Variants in CALN1 observed in about 807,000 individuals in gnomAD.
CALN1 encodes the protein calneuron 1, also known as calcium-binding protein 8.
A neutral mutation model predicts 30.6 loss-of-function variants in CALN1; 17 were observed. That is an observed-to-expected ratio of 0.56 (90% CI 0.38 to 0.83). The LOEUF (loss-of-function observed/expected upper bound fraction) is 0.83, where lower values mean the gene tolerates loss of function less well. Among genes scored for constraint, CALN1 ranks in the 40% least tolerant of loss-of-function variants. The pLI, the probability that CALN1 is intolerant of heterozygous loss-of-function variation, is 0.00. For synonymous variants in CALN1, 156 were observed against 131.4 expected (o/e 1.19, Z -1.28); for missense variants, 291 against 354.9 (o/e 0.82, Z 1.45).
chr7:72,076,570 C>G (rs576816563), intron 4 of CALN1, among the ~76,000 whole-genome samples: 37 of 125,680 alleles, frequency 2.9e-4, no homozygotes, highest in Non-Finnish European at 4.8e-4. Flanking sequence ...TGCACTCTGG[C>G]CTGGGGAACA....
At chr7:72,449,649 G>T (rs1474777874), upstream of CALN1, among the ~76,000 whole-genome samples, 1 of 152,058 alleles carries the variant, frequency 6.6e-6, no homozygotes, top group Non-Finnish European at 1.5e-5. Flanking sequence ...AAGGTGGGAG[G>T]ATCACGAGGT....
intron 2 of CALN1, among the ~76,000 whole-genome samples, chr7:72,333,593 G>T (rs1018661591): frequency 6.6e-6 from 1 of 151,698 alleles, no homozygotes; most frequent in Non-Finnish European, 1.5e-5. Context: ...ACTGCTTAAT[G>T]GTTCTCAATC....
chr7:72,004,047 T>C (rs1799651975), intron 5 of CALN1, among the ~76,000 whole-genome samples: 1 of 152,166 alleles, frequency 6.6e-6, no homozygotes, highest in South Asian at 2.1e-4. Context: ...ATAATTTACA[T>C]GGAAATACAC....
chr7:72,251,389 T>C (rs534305714), intron 3 of CALN1, among the ~76,000 whole-genome samples: 182 of 152,242 alleles, frequency 1.2e-3, no homozygotes, highest in Non-Finnish European at 2.0e-3. Context: ...CTCTTTCCTC[T>C]GAACTACTTT....
intron 5 of CALN1, among the ~76,000 whole-genome samples, chr7:71,902,645 C>T (rs1221167078): frequency 6.6e-6 from 1 of 151,972 alleles, no homozygotes; most frequent in African/African-American, 2.4e-5. Flanking sequence ...GGGTATCTAC[C>T]CGAAGGAAAA....
At chr7:72,201,257 A>G (rs1562727083) in intron 3 of CALN1, among the ~76,000 whole-genome samples, 1 of 152,134 alleles carries the variant, frequency 6.6e-6, no homozygotes, top group East Asian at 1.9e-4. Context: ...TGGGAACAAG[A>G]GATACTGGAG....
At chr7:72,486,447 C>T in the CALN1 span, among the ~76,000 whole-genome samples, 6 of 152,106 alleles carry the variant, frequency 3.9e-5, no homozygotes, top group Admixed American at 1.3e-4. Flanking sequence ...TATCAGCTCA[C>T]TGTAACCTCT....
the CALN1 span, among the ~76,000 whole-genome samples, chr7:72,486,834 A>G: frequency 1.8e-4 from 28 of 152,336 alleles, no homozygotes; most frequent in Non-Finnish European, 3.1e-4. Context: ...ATTACCTACT[A>G]TATGGTAGCT....
intron 6 of CALN1, among the ~76,000 whole-genome samples, chr7:71,796,069 C>T (rs960254117): frequency 6.6e-6 from 1 of 151,916 alleles, no homozygotes; most frequent in African/African-American, 2.4e-5. Context: ...TCGTGATCCA[C>T]CCGCCTTGGC....
intron 4 of CALN1, among the ~76,000 whole-genome samples, chr7:72,091,718 G>C (rs1805875987): frequency 6.6e-6 from 1 of 152,188 alleles, no homozygotes; most frequent in Admixed American, 6.5e-5. Flanking sequence ...ATGAACAGTG[G>C]AGACTGTGGC....
chr7:72,442,073 A>T (rs1201069534), intron 1 of CALN1, among the ~76,000 whole-genome samples: 1 of 151,866 alleles, frequency 6.6e-6, no homozygotes, highest in Non-Finnish European at 1.5e-5. Context: ...CAACTCACCA[A>T]CCCATCAACA....
At position 72,084,386 on chromosome 7, in the gene CALN1, A is replaced by AT. The variant is rs35476098; in HGVS notation, c.388+21764dup. Among the ~76,000 whole-genome samples, 723 of 142,626 alleles carry AT rather than the reference A, an allele frequency of 5.1e-3. 2 individuals carry two copies. The highest frequency in any genetic ancestry group is 5.4e-3 in the African/African-American group (211 of 39,168). 93.6% of individuals were successfully genotyped at this position (142,626 alleles called of 152,430 possible). On this transcript the variant is annotated intron_variant, in intron 4 of 6. Coordinates refer to ENST00000395275, the MANE Select transcript of CALN1 (RefSeq NM_031468.4). ...ATCTTCCAGCAGAAAATGTAGTAAAATTTTTTTTTTTTTTTTCTGGCATGC... is the reference window on the plus strand; with the variant it reads ...ATCTTCCAGCAGAAAATGTAGTAAAATTTTTTTTTTTTTTTTTCTGGCATGC...
chr7:71,791,645 C>T (rs752944109), intron 6 of CALN1, among the ~76,000 whole-genome samples: 43 of 152,214 alleles, frequency 2.8e-4, no homozygotes, highest in African/African-American at 7.7e-4. Flanking sequence ...GTACAACAAA[C>T]GCCTGTGACA....
chr7:72,091,734 C>A (rs903198901), intron 4 of CALN1, among the ~76,000 whole-genome samples: 1 of 152,146 alleles, frequency 6.6e-6, no homozygotes, highest in African/African-American at 2.4e-5. Flanking sequence ...GTGGCAGATG[C>A]CGTACCCAGA....
rs534485758 is a variant in CALN1 at position 72,231,032 on chromosome 7, G to A, written c.244+47654C>T. Among the ~76,000 whole-genome samples the A allele has an allele frequency of 3.3e-5, 5 of 152,158 alleles. No individual in the cohort carries two copies. In the South Asian group the frequency reaches 8.3e-4, roughly 25 times the overall value. On this transcript the variant is annotated intron_variant, in intron 3 of 6. Transcript: ENST00000395275. ...CTGGGGGCATGAATCGTGCCTTTGT[G>A]TAGCCTAGCCACACTGTCTACACTA...
intron 5 of CALN1, among the ~76,000 whole-genome samples, chr7:71,872,653 G>C (rs1792004772): frequency 6.8e-6 from 1 of 146,518 alleles, no homozygotes; most frequent in African/African-American, 2.5e-5. Flanking sequence ...TCATTCTGTT[G>C]CCCAGGCTGG....
At chr7:71,805,688 C>T (rs1221077450) in intron 6 of CALN1, among the ~76,000 whole-genome samples, 3 of 152,116 alleles carry the variant, frequency 2.0e-5, no homozygotes, top group Admixed American at 6.5e-5. Context: ...TCCTCATAGG[C>T]GTTTGCTGCC....
intron 5 of CALN1, chr7:71,913,593 C>A (rs1794537864): frequency 2.6e-5 from 4 of 152,184 alleles, no homozygotes; most frequent in Admixed American, 2.6e-4. Flanking sequence ...GTTTTAGAGA[C>A]AGGCTCTCCC....
chr7:72,191,775 A>G (rs1003320565), intron 3 of CALN1, among the ~76,000 whole-genome samples: 1 of 152,116 alleles, frequency 6.6e-6, no homozygotes, highest in Non-Finnish European at 1.5e-5. Flanking sequence ...CTAGAAGTCA[A>G]AGTCTGAAAT....
Sources: allele counts gnomAD v4.1 joint callset (sites outside exome capture counted in the v4.1 genomes callset), GRCh38; gene constraint gnomAD v4.1.1; transcripts MANE v1.5; gene names NCBI Gene and HGNC (gene_info 2026-07-23, HGNC 2026-07-21).